Variants in RGS20 observed in about 807,000 individuals in gnomAD.
RGS20 encodes the protein gz-selective GTPase-activating protein.
A neutral mutation model predicts 33.6 loss-of-function variants in RGS20; 30 were observed. The ratio of observed to expected loss-of-function variants is 0.89; its 90% CI spans 0.67 to 1.21. The LOEUF (loss-of-function observed/expected upper bound fraction) is 1.21. Ranked by LOEUF, RGS20 falls within the 50% of genes most tolerant of loss-of-function variation. The pLI, the probability that RGS20 is intolerant of heterozygous loss-of-function variation, is 0.00. For missense variants in RGS20, 472 were observed against 502.4 expected, an observed-to-expected ratio of 0.94 and a Z score of 0.58; for synonymous variants, 208 against 197.9, an observed-to-expected ratio of 1.05 and a Z score of -0.43.
rs769806286 is a variant in RGS20 at position 53,909,778 on chromosome 8, AT to A, written c.511-29795del. ...ATTGTTGTGTGAATAATGATGAACCATTTCTGAGAATGGATTAAATGTGTAT... is the reference window on the plus strand; with the variant it reads ...ATTGTTGTGTGAATAATGATGAACCATTCTGAGAATGGATTAAATGTGTAT... On this transcript the variant is annotated intron_variant, in intron 2 of 5. Coordinates refer to ENST00000297313, the MANE Select transcript of RGS20 (RefSeq NM_170587.4). Among the ~76,000 whole-genome samples the A allele has an allele frequency of 8.7e-4, 132 of 152,330 alleles. 1 individual carries two copies. Among genetic ancestry groups the A allele is most frequent in the Non-Finnish European group, 1.4e-3 (95 of 68,034 alleles).
chr8:53,886,114 T>C (rs1199035711), intron 2 of RGS20, among the ~76,000 whole-genome samples: 1 of 152,192 alleles, frequency 6.6e-6, no homozygotes, highest in Admixed American at 6.5e-5. Flanking sequence ...CAGCAACTAA[T>C]AGGGCTCACT....
intron 2 of RGS20, among the ~76,000 whole-genome samples, chr8:53,883,182 G>A (rs1812446380): frequency 6.7e-6 from 1 of 150,116 alleles, no homozygotes; most frequent in Non-Finnish European, 1.5e-5. Context: ...TTGAGACTGA[G>A]TTTCGCTCTT....
rs192897441 is a variant in RGS20 at position 53,861,394 on chromosome 8, G to A, written c.165+9330G>A. Among the ~76,000 whole-genome samples, 4 of 152,254 alleles carry A rather than the reference G, an allele frequency of 2.6e-5. No homozygotes were observed. The East Asian group carries it at 7.7e-4, about 29-fold the overall frequency. Reference sequence around the variant, plus strand: ...CGGATAAACACCCACACTAATAAATGAATATTTTTACCTGTAAGTTATCAA... The same window carrying A: ...CGGATAAACACCCACACTAATAAATAAATATTTTTACCTGTAAGTTATCAA... On this transcript the variant is annotated intron_variant, in intron 1 of 5. Transcript: ENST00000297313.
intron 4 of RGS20, among the ~76,000 whole-genome samples, chr8:53,951,846 G>A (rs1450189389): frequency 1.3e-5 from 2 of 151,692 alleles, no homozygotes; most frequent in African/African-American, 2.4e-5. Context: ...GTGAAACTCC[G>A]TCTCTACTAA....
At chr8:53,948,491 T>TAA (rs1814607725) in intron 4 of RGS20, among the ~76,000 whole-genome samples, 1 of 127,092 alleles carries the variant, frequency 7.9e-6, no homozygotes, top group African/African-American at 3.1e-5. Context: ...ATGCTATATA[T>TAA]GATACAGTAT....
At chr8:53,902,385 A>G (rs73587686) in intron 2 of RGS20, among the ~76,000 whole-genome samples, 28,366 of 152,182 alleles carry the variant, frequency 0.19, 7,933 homozygotes, top group African/African-American at 0.61. Flanking sequence ...CAACGTTCTC[A>G]GGGAGTATAT....
At chr8:53,889,564 T>A (rs534083600) in intron 2 of RGS20, among the ~76,000 whole-genome samples, 8 of 151,774 alleles carry the variant, frequency 5.3e-5, no homozygotes, top group African/African-American at 1.9e-4. Context: ...ATTTTGGATA[T>A]TGGGAAGGGG....
chr8:53,947,320 T>C lies in RGS20; in HGVS notation c.743+572T>C, dbSNP rs1405258313. Among the ~76,000 whole-genome samples, 3 of 138,828 alleles carry C rather than the reference T, an allele frequency of 2.2e-5. No homozygotes were observed. The Admixed American group carries it at 2.2e-4, about 10-fold the overall frequency. 91.1% of individuals were successfully genotyped at this position (138,828 alleles called of 152,430 possible). ...TGCTATATAAGATATAGTATATATA[T>C]TATATATGCTATATATAAGATAGTA... On this transcript the variant is annotated intron_variant, in intron 4 of 5. Transcript: ENST00000297313.
rs899897127 is a variant in RGS20, at chr8:53,852,259, A to C, written c.165+195A>C. Among the ~76,000 whole-genome samples the C allele has an allele frequency of 3.9e-5, 6 of 152,356 alleles. No individual in the cohort carries two copies. The East Asian group carries it at 1.2e-3, about 29-fold the overall frequency. On this transcript the variant is annotated intron_variant, in intron 1 of 5. Coordinates refer to ENST00000297313, the MANE Select transcript of RGS20 (RefSeq NM_170587.4). ...TACCTGATCTATCTAGTTTTCTCCA[A>C]TCTAAACAGATTCCCTTTACCAAAA... is the stretch of plus-strand genomic sequence containing the variant.
In RGS20 at chr8:53,879,490, C is replaced by T. The variant is rs754075312; in HGVS notation, c.398C>T (p.Ala133Val). 4.5e-6 allele frequency: 7 copies of T among 1,560,782 alleles called. No homozygotes were observed. Among genetic ancestry groups the T allele is most frequent in the South Asian group, 3.5e-5 (3 of 85,014 alleles). Residue 133 changes from alanine to valine, a missense_variant, in exon 2 of 6, where the codon GCG (alanine) becomes GTG (valine). This residue lies in a region of RGS20 where 319 missense variants were observed against 283.4 expected (regional missense o/e 1.13). Transcript: ENST00000297313. The stretch of plus-strand genomic sequence containing the variant: ...GGCCGCCTCTCGCTCCTGCTCGGGG[C>T]GGCGCTGGCACTGCCCGGCCGACCC...
intron 2 of RGS20, 107 bp from the exon 2 acceptor site, chr8:53,939,469 T>G: frequency 8.2e-7 from 1 of 1,221,368 alleles, no homozygotes; most frequent in Non-Finnish European, 1.1e-6. Context: ...GACCTGAATG[T>G]AGTCGCACTG....
chr8:53,900,304 G>A (rs1242302495), intron 2 of RGS20, among the ~76,000 whole-genome samples: 1 of 152,042 alleles, frequency 6.6e-6, no homozygotes, highest in Non-Finnish European at 1.5e-5. Flanking sequence ...ACCATGCCTG[G>A]CTGATTTTTA....
intron 2 of RGS20, chr8:53,880,300 C>T (rs1472214035): frequency 6.5e-6 from 1 of 152,972 alleles, no homozygotes; most frequent in Non-Finnish European, 1.5e-5. Context: ...AGTTCCCCCC[C>T]TTATCCCCCG....
intron 1 of RGS20, among the ~76,000 whole-genome samples, chr8:53,869,662 C>T (rs1457029104): frequency 6.6e-6 from 1 of 152,054 alleles, no homozygotes; most frequent in Non-Finnish European, 1.5e-5. Flanking sequence ...GGTGATAGCA[C>T]AAGAGAGACT....
At chr8:53,854,809 C>A (rs1307549545) in intron 1 of RGS20, among the ~76,000 whole-genome samples, 1 of 152,162 alleles carries the variant, frequency 6.6e-6, no homozygotes, top group Non-Finnish European at 1.5e-5. Context: ...TTGCACCAAC[C>A]CTGTATGCCA....
intron 2 of RGS20, among the ~76,000 whole-genome samples, chr8:53,919,188 C>T (rs1171843079): frequency 6.6e-6 from 1 of 152,096 alleles, no homozygotes; most frequent in African/African-American, 2.4e-5. Context: ...GTATATTGGC[C>T]ATTTGAAATA....
intron 1 of RGS20, among the ~76,000 whole-genome samples, chr8:53,873,753 T>C (rs1409572893): frequency 6.6e-6 from 1 of 152,208 alleles, no homozygotes; most frequent in Admixed American, 6.5e-5. Context: ...CTATGTCAGA[T>C]GGTGACAAGT....
chr8:53,929,309 CTGTT>C (rs1208544016), intron 2 of RGS20, among the ~76,000 whole-genome samples: 4 of 152,154 alleles, frequency 2.6e-5, no homozygotes, highest in African/African-American at 9.7e-5. Flanking sequence ...TATTGGATGT[CTGTT>C]AGACCTCAAT....
At chr8:53,881,415 C>T (rs911710301) in intron 2 of RGS20, among the ~76,000 whole-genome samples, 34 of 152,060 alleles carry the variant, frequency 2.2e-4, no homozygotes, top group African/African-American at 8.0e-4. Flanking sequence ...GTCTTTAGAC[C>T]CTAGAAATCG....
Sources: allele counts gnomAD v4.1 joint callset (sites outside exome capture counted in the v4.1 genomes callset), GRCh38; gene constraint gnomAD v4.1.1; regional missense constraint gnomAD v4.1.1; transcripts MANE v1.5; gene names NCBI Gene and HGNC (gene_info 2026-07-23, HGNC 2026-07-21).